The following ASIC2 variants were observed in gnomAD, a reference collection of about 807,000 sequenced individuals.
ASIC2 encodes the protein acid-sensing ion channel 2.
In ASIC2, 25 loss-of-function variants were observed where a neutral mutation model predicts 57.3. The observed-to-expected ratio is 0.44, with a 90% CI of 0.32 to 0.61. The LOEUF (loss-of-function observed/expected upper bound fraction) is 0.61, where lower values mean the gene tolerates loss of function less well. ASIC2 is among the 20% of genes least tolerant of loss of function. ASIC2 has a pLI of 0.06. For synonymous variants in ASIC2, 319 were observed against 307.5 expected (o/e 1.04, Z -0.39); for missense variants, 641 against 738.1 (o/e 0.87, Z 1.52).
At chr17:33,684,623 T>A (rs1908123582) in intron 1 of ASIC2, among the ~76,000 whole-genome samples, 2 of 152,192 alleles carry the variant, frequency 1.3e-5, no homozygotes, top group South Asian at 4.1e-4. Context: ...AATATTGATG[T>A]TAAGCTAAAA....
At position 33,064,731 on chromosome 17, in the gene ASIC2, C is replaced by T. The variant is rs181512026; in HGVS notation, c.987+24132G>A. Among the ~76,000 whole-genome samples the T allele has an allele frequency of 5.3e-4, 81 of 152,326 alleles. 1 individual carries two copies. The highest frequency in any genetic ancestry group is 1.2e-3 in the East Asian group (6 of 5,184). ...ACTCTCTTCAAAGCTCAGTTGGAAACGCAGAAATCACCCATCTTCTGCGTC... is the reference window on the plus strand; with the variant it reads ...ACTCTCTTCAAAGCTCAGTTGGAAATGCAGAAATCACCCATCTTCTGCGTC... On this transcript the variant is annotated intron_variant, in intron 3 of 9. Coordinates refer to ENST00000225823, the MANE Select transcript of ASIC2 (RefSeq NM_183377.2).
intron 1 of ASIC2, among the ~76,000 whole-genome samples, chr17:33,934,312 C>T (rs1317077861): frequency 2.0e-5 from 3 of 152,230 alleles, no homozygotes; most frequent in East Asian, 1.9e-4. Flanking sequence ...GCCAGCCCGA[C>T]TTCTCTTCTG....
At chr17:33,186,214 G>T (rs1906190202) in intron 1 of ASIC2, among the ~76,000 whole-genome samples, 1 of 152,068 alleles carries the variant, frequency 6.6e-6, no homozygotes, top group Admixed American at 6.5e-5. Flanking sequence ...GAGTTCAAGT[G>T]ATTCTCCTGC....
rs1346926393 is a variant in ASIC2 at position 33,102,889 on chromosome 17, T to G, written c.859+9028A>C. Among the ~76,000 whole-genome samples the G allele has an allele frequency of 4.6e-5, 7 of 152,340 alleles. No homozygotes were observed. In the East Asian group the frequency reaches 1.2e-3, roughly 25 times the overall value. On this transcript the variant is annotated intron_variant, in intron 2 of 9. Coordinates refer to ENST00000225823, the MANE Select transcript of ASIC2 (RefSeq NM_183377.2). ...AGCTCCGCCTTCCAGGTTCACGCCA[T>G]TCTCCTGCCTCAGCCTCCCGAGTAG...
At chr17:33,662,486 T>TA (rs748003691) in intron 1 of ASIC2, among the ~76,000 whole-genome samples, 1 of 150,162 alleles carries the variant, frequency 6.7e-6, no homozygotes, top group African/African-American at 2.5e-5. Flanking sequence ...CCAGGTGTGG[T>TA]GGGGGGGGCA....
intron 1 of ASIC2, among the ~76,000 whole-genome samples, chr17:33,212,874 G>A (rs568781018): frequency 2.0e-5 from 3 of 152,300 alleles, no homozygotes; most frequent in African/African-American, 7.2e-5. Context: ...AGTGATAGAG[G>A]CCAGCACAGG....
chr17:33,242,189 C>T (rs1052374800), intron 1 of ASIC2, among the ~76,000 whole-genome samples: 9 of 151,726 alleles, frequency 5.9e-5, no homozygotes, highest in East Asian at 5.8e-4. Context: ...TGGTGGTGGG[C>T]GCCTGTAGTC....
At chr17:33,225,085 G>A (rs1319694544) in intron 1 of ASIC2, among the ~76,000 whole-genome samples, 1 of 152,176 alleles carries the variant, frequency 6.6e-6, no homozygotes, top group African/African-American at 2.4e-5. Context: ...GTATGAACAG[G>A]TCAGCCTTTT....
At chr17:34,152,263 A>G (rs1904555846) in intron 1 of ASIC2, among the ~76,000 whole-genome samples, 2 of 152,234 alleles carry the variant, frequency 1.3e-5, no homozygotes. Flanking sequence ...ACAAACACAT[A>G]CAACTATGAA....
At chr17:33,686,427 A>G (rs534292667) in intron 1 of ASIC2, among the ~76,000 whole-genome samples, 22 of 152,270 alleles carry the variant, frequency 1.4e-4, no homozygotes, top group Non-Finnish European at 2.4e-4. Context: ...TGTCCTGTTC[A>G]GTATGTAATT....
intron 1 of ASIC2, among the ~76,000 whole-genome samples, chr17:33,783,398 C>T (rs1911515658): frequency 6.6e-6 from 1 of 152,236 alleles, no homozygotes; most frequent in African/African-American, 2.4e-5. Flanking sequence ...ATTGCACTTA[C>T]ATCATTGGTC....
chr17:33,236,599 C>T (rs994165353), intron 1 of ASIC2, among the ~76,000 whole-genome samples: 3 of 152,124 alleles, frequency 2.0e-5, no homozygotes, highest in Non-Finnish European at 4.4e-5. Flanking sequence ...CCTCAGCCTC[C>T]CAAAGTGCTG....
intron 1 of ASIC2, among the ~76,000 whole-genome samples, chr17:33,554,526 C>A (rs1374040985): frequency 6.6e-6 from 1 of 152,094 alleles, no homozygotes; most frequent in South Asian, 2.1e-4. Flanking sequence ...AGAGCACATG[C>A]AAGGATCCAA....
intron 1 of ASIC2, among the ~76,000 whole-genome samples, chr17:33,187,478 AT>A (rs1330761553): frequency 6.6e-6 from 1 of 152,192 alleles, no homozygotes; most frequent in Non-Finnish European, 1.5e-5. Flanking sequence ...TGGCAAAAAA[AT>A]GTGTTGATTG....
chr17:33,957,458 C>T (rs565746973), intron 1 of ASIC2, among the ~76,000 whole-genome samples: 12 of 152,158 alleles, frequency 7.9e-5, no homozygotes, highest in Non-Finnish European at 1.2e-4. Flanking sequence ...ACTCACAGTT[C>T]CACATGGCTG....
intron 1 of ASIC2, among the ~76,000 whole-genome samples, chr17:33,888,720 A>T (rs1183463410): frequency 6.6e-6 from 1 of 152,118 alleles, no homozygotes; most frequent in Non-Finnish European, 1.5e-5. Flanking sequence ...AGGCAATTAA[A>T]ATACAATTAA....
intron 1 of ASIC2, among the ~76,000 whole-genome samples, chr17:33,700,168 T>A (rs1908652849): frequency 6.6e-6 from 1 of 152,084 alleles, no homozygotes; most frequent in Non-Finnish European, 1.5e-5. Flanking sequence ...TAAGCTGGGA[T>A]CCTCAAAGGG....
At chr17:33,944,892 C>T (rs1904326886) in intron 1 of ASIC2, among the ~76,000 whole-genome samples, 1 of 152,160 alleles carries the variant, frequency 6.6e-6, no homozygotes. Flanking sequence ...GCTGGGACAC[C>T]ATCCTTTCTG....
chr17:33,362,288 G>T (rs996605649), intron 1 of ASIC2, among the ~76,000 whole-genome samples: 2 of 149,700 alleles, frequency 1.3e-5, no homozygotes, highest in African/African-American at 2.4e-5. Context: ...GTTCTTGAAT[G>T]CCTTGAAGCC....
Sources: allele counts gnomAD v4.1 joint callset (sites outside exome capture counted in the v4.1 genomes callset), GRCh38; gene constraint gnomAD v4.1.1; transcripts MANE v1.5; gene names NCBI Gene and HGNC (gene_info 2026-07-23, HGNC 2026-07-21).